TET3: variants seen among roughly 807,000 people sequenced by gnomAD.
The protein encoded by TET3 is methylcytosine dioxygenase TET3.
TET3 carries 19 observed loss-of-function variants against 141.4 expected under a neutral mutation model. That is an observed-to-expected ratio of 0.13 (90% confidence interval 0.09 to 0.20). The LOEUF is 0.20. Ranked by LOEUF, TET3 falls within the 10% of genes least tolerant of loss-of-function variation. TET3 has a pLI of 1.00. For missense variants in TET3, 1,874 were observed against 2,356.9 expected, an observed-to-expected ratio of 0.80 and a Z score of 4.24; for synonymous variants, 1,043 against 980.9, an observed-to-expected ratio of 1.06 and a Z score of -1.18.
chr2:74,043,513 G>A (rs1243833064), intron 3 of TET3, among the ~76,000 whole-genome samples: 1 of 152,140 alleles, frequency 6.6e-6, no homozygotes, highest in African/African-American at 2.4e-5. Context: ...AAGGTGCCCT[G>A]GGAATCCAGG....
At chr2:74,031,656 C>T (rs1005828363) in intron 3 of TET3, among the ~76,000 whole-genome samples, 3 of 152,198 alleles carry the variant, frequency 2.0e-5, no homozygotes, top group African/African-American at 4.8e-5. Context: ...ATTTCCTAGC[C>T]TACTCTGTGA....
At chr2:74,082,918 A>G (rs373298279) in intron 6 of TET3, among the ~76,000 whole-genome samples, 1 of 152,172 alleles carries the variant, frequency 6.6e-6, no homozygotes, top group South Asian at 2.1e-4. Context: ...GCAGGCATCC[A>G]GTGTCTCCTG....
At chr2:74,111,620 G>A (rs551300489), downstream of TET3, among the ~76,000 whole-genome samples, 120 of 152,334 alleles carry the variant, frequency 7.9e-4, 1 homozygote, top group African/African-American at 2.8e-3. Flanking sequence ...TATGGACAGA[G>A]GCATGTTGGA....
the TET3 span, chr2:74,122,509 A>ATT: frequency 5.4e-3 from 414 of 76,150 alleles, 2 homozygotes; most frequent in Non-Finnish European, 8.0e-3. Context: ...ATATATATAT[A>ATT]TATTTTTTTT....
At chr2:74,002,211 G>T (rs1253978042) in intron 2 of TET3, among the ~76,000 whole-genome samples, 1 of 152,150 alleles carries the variant, frequency 6.6e-6, no homozygotes, top group Non-Finnish European at 1.5e-5. Flanking sequence ...CACCTCATTT[G>T]CAGAATGGAG....
At chr2:74,096,029 A>G (rs1018248436) in intron 10 of TET3, among the ~76,000 whole-genome samples, 111 of 152,306 alleles carry the variant, frequency 7.3e-4, no homozygotes, top group Middle Eastern at 3.4e-3. Context: ...CTTCTTACAC[A>G]TTTGAATTTC....
At chr2:74,058,594 T>C (rs1688335707) in intron 4 of TET3, among the ~76,000 whole-genome samples, 1 of 152,206 alleles carries the variant, frequency 6.6e-6, no homozygotes, top group Admixed American at 6.5e-5. Flanking sequence ...TTAAATTTTT[T>C]TCTTTTTTAA....
intron 4 of TET3, among the ~76,000 whole-genome samples, chr2:74,063,747 T>C (rs1250602099): frequency 6.6e-6 from 1 of 152,072 alleles, no homozygotes; most frequent in African/African-American, 2.4e-5. Flanking sequence ...CATACCATAT[T>C]GTGCAGTTAA....
chr2:74,059,334 C>A (rs1688377714), intron 4 of TET3, among the ~76,000 whole-genome samples: 1 of 152,226 alleles, frequency 6.6e-6, no homozygotes, highest in Admixed American at 6.5e-5. Flanking sequence ...CTTACTGCAA[C>A]CTTCGCCTCC....
At chr2:74,131,055 C>T in the TET3 span, 1 of 151,656 alleles carries the variant, frequency 6.6e-6, no homozygotes. Flanking sequence ...GGAGAGTCCC[C>T]CTGTACGGTG....
intron 3 of TET3, among the ~76,000 whole-genome samples, chr2:74,010,782 A>G: frequency 6.6e-6 from 1 of 152,238 alleles, no homozygotes; most frequent in Non-Finnish European, 1.5e-5. Flanking sequence ...TGATCAATAC[A>G]GAGTTTGCAA....
rs149594811 is a variant in TET3, at chr2:74,049,976, G to A, written c.2494+1565G>A. Among the ~76,000 whole-genome samples the A allele has an allele frequency of 8.0e-3, 1,214 of 152,192 alleles. 13 individuals are homozygous for A. Among genetic ancestry groups the A allele is most frequent in the Middle Eastern group, 0.02 (6 of 294 alleles). ...GGGCCCTCTTATTTACCAGCATATG[G>A]GGGAAACTTGTTTTGATCATGGGGT... is the stretch of plus-strand genomic sequence containing the variant. On this transcript the variant is annotated intron_variant, in intron 4 of 11. Transcript: ENST00000409262.
chr2:74,067,183 C>G (rs1016411849), intron 4 of TET3, among the ~76,000 whole-genome samples: 18 of 152,040 alleles, frequency 1.2e-4, no homozygotes, highest in Admixed American at 1.0e-3. Flanking sequence ...TTTTATGGTT[C>G]AAAATAGTGC....
chr2:74,091,823 C>A (rs1362650423), intron 8 of TET3, among the ~76,000 whole-genome samples: 1 of 152,238 alleles, frequency 6.6e-6, no homozygotes, highest in African/African-American at 2.4e-5. Flanking sequence ...CAGACAGAGG[C>A]TGTGGATACC....
Position 74,087,730 on chromosome 2 carries a change from A to T in TET3, c.2680-100A>T. ...ATGACATCCCTAGAACCCTGCCGTT[A>T]AGACCTGCACCCTGGGTCTGTGTGA... is the stretch of plus-strand genomic sequence containing the variant. On this transcript the variant is annotated intron_variant, in intron 6 of 11. Transcript: ENST00000409262. This position sits in a 1 kb window ranked among gnomAD's most constrained non-coding sequence, Gnocchi z 4.3. 2 of 1,221,722 alleles carry T rather than the reference A, an allele frequency of 1.6e-6. No homozygotes were observed. Among genetic ancestry groups the T allele is most frequent in the Non-Finnish European group, 2.2e-6 (2 of 894,092 alleles). 75.7% of individuals were successfully genotyped at this position (1,221,722 alleles called of 1,614,324 possible).
intron 3 of TET3, among the ~76,000 whole-genome samples, chr2:74,006,537 C>T (rs1685158113): frequency 6.6e-6 from 1 of 152,194 alleles, no homozygotes; most frequent in Non-Finnish European, 1.5e-5. Flanking sequence ...CGACTACAGC[C>T]CTTTTGCTGG....
chr2:74,031,393 G>A (rs750679451), intron 3 of TET3, among the ~76,000 whole-genome samples: 1 of 152,126 alleles, frequency 6.6e-6, no homozygotes, highest in Non-Finnish European at 1.5e-5. Context: ...TAATGGTTGC[G>A]CAAATGCCTA....
the TET3 span, among the ~76,000 whole-genome samples, chr2:74,122,830 T>C: frequency 8.7e-4 from 132 of 151,822 alleles, no homozygotes; most frequent in African/African-American, 3.2e-3. Context: ...AATGCTGGGA[T>C]TACAGGCATG....
chr2:74,036,351 TACTG>T (rs1305708829), intron 3 of TET3, among the ~76,000 whole-genome samples: 1 of 152,234 alleles, frequency 6.6e-6, no homozygotes, highest in African/African-American at 2.4e-5. Context: ...TTACTGATGA[TACTG>T]AGTATTTTTT....
Sources: allele counts gnomAD v4.1 joint callset (sites outside exome capture counted in the v4.1 genomes callset), GRCh38; gene constraint gnomAD v4.1.1; non-coding constraint Gnocchi (gnomAD v3.1); transcripts MANE v1.5; gene names NCBI Gene and HGNC (gene_info 2026-07-23, HGNC 2026-07-21).